The following NUP214 variants were observed in gnomAD, a reference collection of about 807,000 sequenced individuals.
NUP214 encodes the protein nucleoporin 214, also known as nuclear pore complex protein Nup214.
NUP214 carries 79 observed loss-of-function variants against 196.2 expected under a neutral mutation model. The ratio of observed to expected loss-of-function variants is 0.40; its 90% CI spans 0.34 to 0.49. The LOEUF is 0.49. Among genes scored for constraint, NUP214 ranks in the 20% least tolerant of loss-of-function variants. The pLI, the probability that NUP214 is intolerant of heterozygous loss-of-function variation, is 0.58. For missense variants in NUP214, 2,468 were observed against 2,539.0 expected (o/e 0.97, Z 0.60); for synonymous variants, 1,020 against 990.5 (o/e 1.03, Z -0.56).
intron 28 of NUP214, among the ~76,000 whole-genome samples, chr9:131,196,040 GC>G (rs1324096894): frequency 1.7e-4 from 1 of 5,962 alleles, no homozygotes; most frequent in Middle Eastern, 0.083. Flanking sequence ...CCCCCCCCCC[GC>G]GCCAAAAAAT....
chr9:131,145,629 T>C (rs1023614056), intron 12 of NUP214, among the ~76,000 whole-genome samples: 43 of 152,368 alleles, frequency 2.8e-4, no homozygotes, highest in African/African-American at 1.0e-3. Flanking sequence ...TACAGACTTT[T>C]GCTCTTTAGG....
At chr9:131,136,210 T>G (rs1831724153) in intron 9 of NUP214, among the ~76,000 whole-genome samples, 1 of 152,226 alleles carries the variant, frequency 6.6e-6, no homozygotes, top group African/African-American at 2.4e-5. Flanking sequence ...TGGCTGATTT[T>G]TATATTTTTA....
intron 23 of NUP214, among the ~76,000 whole-genome samples, chr9:131,176,322 G>C (rs1833117412): frequency 6.6e-6 from 1 of 151,368 alleles, no homozygotes; most frequent in Admixed American, 6.6e-5. Flanking sequence ...CTTGCATGAA[G>C]CTTTTTTTTT....
chr9:131,131,522 T>C (rs1289447140), intron 5 of NUP214, among the ~76,000 whole-genome samples: 5 of 152,158 alleles, frequency 3.3e-5, no homozygotes, highest in African/African-American at 1.2e-4. Context: ...GAGTGGTGAA[T>C]GTAGGTGGTA....
intron 32 of NUP214, among the ~76,000 whole-genome samples, chr9:131,224,283 C>T (rs922434662): frequency 2.0e-5 from 3 of 152,060 alleles, no homozygotes; most frequent in Non-Finnish European, 4.4e-5. Flanking sequence ...GATCTGAAAA[C>T]ATGTACTTCA....
intron 1 of NUP214, among the ~76,000 whole-genome samples, chr9:131,126,617 G>A (rs1380213851): frequency 2.7e-5 from 4 of 148,968 alleles, no homozygotes; most frequent in Non-Finnish European, 1.5e-5. Context: ...GCATGATCTC[G>A]GCTCCCTGCA....
chr9:131,234,370 A>G lies in NUP214; in HGVS notation c.*883A>G, dbSNP rs1446973024. On this transcript the variant is annotated 3_prime_UTR_variant, in exon 36 of 36. Transcript: ENST00000359428. ...TAGCAGAACGATGCTGGATTTGACA[A>G]CAGTGTTTGCTAGGACGGCCCAGAG... The G allele has an allele frequency of 1.7e-5, 4 of 232,864 alleles. No homozygotes were observed. The highest frequency in any genetic ancestry group is 8.8e-5 in the African/African-American group (4 of 45,342). The allele number at this position is 232,864 out of a possible 1,614,324, so 14.4% of individuals were successfully genotyped here.
chr9:131,195,116 TCTAGATTGTAAATTC>T, intron 27 of NUP214, 102 bp from the exon 28 acceptor site: 1 of 711,250 alleles, frequency 1.4e-6, no homozygotes, highest in Non-Finnish European at 2.4e-6. Context: ...TCATTTATCT[TCTAGATTGTAAATTC>T]CTGAGGGCGG....
chr9:131,202,509 C>T (rs1356314488), intron 30 of NUP214, among the ~76,000 whole-genome samples: 8 of 152,228 alleles, frequency 5.3e-5, no homozygotes, highest in African/African-American at 1.4e-4. Context: ...CTGCAACCTC[C>T]GCCTCCCAGG....
intron 1 of NUP214, among the ~76,000 whole-genome samples, 186 bp from the exon 2 acceptor site, chr9:131,127,338 G>A (rs559318033): frequency 1.3e-5 from 2 of 152,226 alleles, no homozygotes; most frequent in East Asian, 1.9e-4. Context: ...AGCCAAGATC[G>A]CTGCACTGCA....
chr9:131,164,344 C>T, intron 21 of NUP214, 200 bp downstream of exon 21: 2 of 588,802 alleles, frequency 3.4e-6, no homozygotes, highest in Non-Finnish European at 6.0e-6. Flanking sequence ...GGAATAAGAA[C>T]CAGCTTATAT....
chr9:131,127,305 C>T (rs1831391231), intron 1 of NUP214, among the ~76,000 whole-genome samples: 1 of 152,112 alleles, frequency 6.6e-6, no homozygotes. Context: ...ATCGCTTGAA[C>T]CTGGGAGGCA....
intron 23 of NUP214, among the ~76,000 whole-genome samples, chr9:131,177,858 A>C (rs1052544435): frequency 2.6e-5 from 4 of 152,068 alleles, no homozygotes; most frequent in African/African-American, 4.8e-5. Flanking sequence ...TTCTTTAGAG[A>C]AGAAACTATA....
At chr9:131,210,240 G>A (rs1196725181) in intron 30 of NUP214, among the ~76,000 whole-genome samples, 1 of 152,198 alleles carries the variant, frequency 6.6e-6, no homozygotes, top group Non-Finnish European at 1.5e-5. Context: ...TGGAACTGGA[G>A]ACAGACTTTA....
chr9:131,189,222 A>G, intron 26 of NUP214, 91 bp downstream of exon 26: 1 of 1,026,438 alleles, frequency 9.7e-7, no homozygotes, highest in Middle Eastern at 2.0e-4. Context: ...TTGCCATAGG[A>G]AACAGGAGTC....
In NUP214 at chr9:131,198,596, C is replaced by G; in HGVS notation, c.5102C>G (p.Pro1701Arg). The G allele has an allele frequency of 1.2e-6, 2 of 1,614,256 alleles. No homozygotes were observed. The highest frequency in any genetic ancestry group is 1.7e-6 in the Non-Finnish European group (2 of 1,180,042). ...ACAGCCAGCACAGCAGCTGCCACAC[C>G]ACAGGTCAGCAGCTCAGGGTTTAGC... ...GSTASTAAATPQVSSSGFSSP... is the reference protein window; with the variant it reads ...GSTASTAAATRQVSSSGFSSP... Residue 1701 changes from proline (P) to arginine (R), a missense_variant, in exon 29 of 36, where the codon CCA becomes CGA. By Grantham distance (103) the Pro-to-Arg change is moderately radical. This residue lies in a region of NUP214 where 1,801 missense variants were observed against 1,779.4 expected (regional missense o/e 1.01). Coordinates refer to ENST00000359428, the MANE Select transcript of NUP214 (RefSeq NM_005085.4).
intron 30 of NUP214, among the ~76,000 whole-genome samples, chr9:131,202,374 CAT>C (rs1371919634): frequency 6.6e-6 from 1 of 151,836 alleles, no homozygotes; most frequent in Non-Finnish European, 1.5e-5. Context: ...TATATGTATA[CAT>C]ATATGTGTGT....
chr9:131,213,178 CT>C lies in NUP214; in HGVS notation c.5593-2018del, dbSNP rs1056468207. Among the ~76,000 whole-genome samples, 1,008 of 141,054 alleles carry C rather than the reference CT, an allele frequency of 7.1e-3. 5 individuals are homozygous for C. The highest frequency in any genetic ancestry group is 0.015 in the African/African-American group (598 of 38,738). 92.5% of individuals were successfully genotyped at this position (141,054 alleles called of 152,430 possible). ...TGGGAAGCCATTATTTATCAAATCA[CT>C]TTTTTTTTTTTTTTTGACGGTGTTT... On this transcript the variant is annotated intron_variant, in intron 30 of 35. Coordinates refer to ENST00000359428, the MANE Select transcript of NUP214 (RefSeq NM_005085.4).
chr9:131,188,245 A>G (rs1424807831), intron 25 of NUP214, among the ~76,000 whole-genome samples: 4 of 152,224 alleles, frequency 2.6e-5, no homozygotes, highest in Non-Finnish European at 5.9e-5. Context: ...TAGTGATGTT[A>G]TGTCTAGCTT....
Sources: gnomAD v4.1 joint callset for allele counts (sites outside exome capture counted in the v4.1 genomes callset) on GRCh38, gnomAD v4.1.1 for gene constraint, gnomAD v4.1.1 regional missense constraint, MANE v1.5 for transcripts, NCBI Gene and HGNC (gene_info 2026-07-23, HGNC 2026-07-21) for gene names.